XPO7: variants seen among roughly 807,000 people sequenced by gnomAD.
XPO7 encodes the protein exportin-7.
Under a neutral mutation model 144.3 loss-of-function variants are expected in XPO7, and 21 were observed. The observed-to-expected ratio is 0.15, with a 90% CI of 0.10 to 0.21. The LOEUF is 0.21. Among genes scored for constraint, XPO7 ranks in the 10% least tolerant of loss-of-function variants. The pLI is 1.00. For missense variants in XPO7, 808 were observed against 1,325.8 expected (o/e 0.61, Z 6.06); for synonymous variants, 580 against 499.6 (o/e 1.16, Z -2.15).
chr8:21,958,066 T>G (rs772677993), intron 1 of XPO7, among the ~76,000 whole-genome samples: 2 of 152,202 alleles, frequency 1.3e-5, no homozygotes, highest in Non-Finnish European at 2.9e-5. Flanking sequence ...TTGAGACAGT[T>G]GTACAGACAT....
In XPO7 at chr8:21,982,601, A is replaced by G. The variant is rs1563331643; in HGVS notation, c.1105-39A>G. 3.2e-6 allele frequency: 5 copies of G among 1,538,810 alleles called. No homozygotes were observed. In the East Asian group the frequency reaches 9.1e-5, roughly 28 times the overall value. ...GTGGCATGGGACTAACACGTACAGA[A>G]ATGAAAAATATGCCTTCTGCTTTTC... On this transcript the variant is annotated intron_variant, in intron 10 of 27. Transcript: ENST00000252512.
Position 21,984,809 on chromosome 8 carries a change from G to C in XPO7, c.1441G>C (p.Ala481Pro). The change falls in exon 12 of 28, where the codon GCA (alanine) becomes CCA (proline). Residue 481 changes from alanine (A) to proline (P), a missense_variant. By Grantham distance (27) the Ala-to-Pro change is conservative. Coordinates refer to ENST00000252512, the MANE Select transcript of XPO7 (RefSeq NM_015024.5). ...SYQELLQSAS[A>P]SPMDIAVQEG... Reference sequence around the variant, plus strand: ...CCAGGAGCTGCTACAGAGCGCCAGCGCAAGCCCAATGGACATTGCAGTGCA... The same window carrying C: ...CCAGGAGCTGCTACAGAGCGCCAGCCCAAGCCCAATGGACATTGCAGTGCA... 6.2e-7 allele frequency: 1 copy of C among 1,613,918 alleles called. No homozygotes were observed. Among genetic ancestry groups the C allele is most frequent in the Non-Finnish European group, 8.5e-7 (1 of 1,179,880 alleles).
In XPO7 at chr8:21,988,385, A is replaced by AT. The variant is rs898251890; in HGVS notation, c.1787+539dup. The AT allele has an allele frequency of 5.8e-3, 869 of 149,968 alleles. 6 individuals carry two copies. The highest frequency in any genetic ancestry group is 0.016 in the African/African-American group (655 of 40,160). The allele number at this position is 149,968 out of a possible 1,614,324, so 9.3% of individuals were successfully genotyped here. On this transcript the variant is annotated intron_variant, in intron 15 of 27. Coordinates refer to ENST00000252512, the MANE Select transcript of XPO7 (RefSeq NM_015024.5). The stretch of plus-strand genomic sequence containing the variant: ...TGGAGCTCCTAATTGGCCCTTTTTT[A>AT]TTTTTTTTTTTACGTTATACCCCTT...
intron 1 of XPO7, among the ~76,000 whole-genome samples, 156 bp downstream of exon 1, chr8:21,919,944 G>A (rs899979314): frequency 1.3e-5 from 2 of 151,466 alleles, no homozygotes; most frequent in Admixed American, 6.6e-5. Flanking sequence ...CCGGAGCCCC[G>A]GGGCCTTTCC....
At chr8:21,931,614 C>T (rs1222720384) in intron 1 of XPO7, among the ~76,000 whole-genome samples, 1 of 152,176 alleles carries the variant, frequency 6.6e-6, no homozygotes, top group Non-Finnish European at 1.5e-5. Flanking sequence ...AATTTATTGG[C>T]ATGCATTTAA....
At chr8:21,969,096 G>A (rs1431164151) in intron 2 of XPO7, among the ~76,000 whole-genome samples, 1 of 152,086 alleles carries the variant, frequency 6.6e-6, no homozygotes. Flanking sequence ...ATATTTTGAG[G>A]TGAAACTGTT....
chr8:21,990,498 G>T, intron 17 of XPO7, 91 bp downstream of exon 17: 2 of 1,419,464 alleles, frequency 1.4e-6, no homozygotes, highest in South Asian at 1.2e-5. Flanking sequence ...CTGAGGTCCC[G>T]GGTATTGCTA....
intron 1 of XPO7, among the ~76,000 whole-genome samples, chr8:21,955,088 G>A (rs1351969625): frequency 6.6e-6 from 1 of 152,142 alleles, no homozygotes; most frequent in East Asian, 1.9e-4. Context: ...TGCAAATTTG[G>A]GTTCTCAAAT....
chr8:21,976,608 C>A, intron 7 of XPO7, 87 bp downstream of exon 7: 1 of 1,404,884 alleles, frequency 7.1e-7, no homozygotes, highest in Non-Finnish European at 9.5e-7. Flanking sequence ...CTGGCAACTC[C>A]TGTGTATTCT....
intron 24 of XPO7, among the ~76,000 whole-genome samples, chr8:22,000,276 G>A (rs11784535): frequency 0.36 from 54,543 of 151,796 alleles, 10,301 homozygotes; most frequent in East Asian, 0.44. Flanking sequence ...AGATAAGCAG[G>A]AGCAAATCTG....
intron 1 of XPO7, among the ~76,000 whole-genome samples, chr8:21,952,486 C>G (rs117190054): frequency 0.014 from 2,146 of 152,174 alleles, 37 homozygotes; most frequent in South Asian, 0.031. Context: ...ACTTTGCTGA[C>G]TTATCTGTAG....
chr8:21,959,913 T>A (rs1161691189), intron 1 of XPO7, among the ~76,000 whole-genome samples: 1 of 152,220 alleles, frequency 6.6e-6, no homozygotes, highest in African/African-American at 2.4e-5. Context: ...CGAACTCTTC[T>A]CTGCCTAAGT....
chr8:21,944,349 C>T (rs1457007956), intron 1 of XPO7, among the ~76,000 whole-genome samples: 1 of 152,158 alleles, frequency 6.6e-6, no homozygotes, highest in Admixed American at 6.5e-5. Flanking sequence ...GGGCAGATCA[C>T]CTGAGGTCAG....
At position 21,919,967 on chromosome 8, in the gene XPO7, C is replaced by T. The variant is rs549854316; in HGVS notation, c.18+179C>T. ...CCGGGGCCTTTCCCGCCTCCCGGGC[C>T]GGGGGCCTTCTCCGTCCCCTCCCAC... On this transcript the variant is annotated intron_variant, in intron 1 of 27. Coordinates refer to ENST00000252512, the MANE Select transcript of XPO7 (RefSeq NM_015024.5). 6.0e-4 allele frequency among the ~76,000 whole-genome samples: 91 copies of T among 151,676 alleles called. 1 individual carries two copies. The East Asian group carries it at 0.016, about 27-fold the overall frequency.
At chr8:21,966,808 A>T in intron 1 of XPO7, 49 bp from the exon 2 acceptor site, 1 of 1,554,926 alleles carries the variant, frequency 6.4e-7, no homozygotes, top group Non-Finnish European at 8.7e-7. Flanking sequence ...ACAGTTGCTT[A>T]CATTTGTAGT....
rs1170364778 is a variant in XPO7, at chr8:21,989,821, C to CTTTTTTTTTTTTTTTTTTT, written c.1869-495_1869-477dup. On this transcript the variant is annotated intron_variant, in intron 16 of 27. Transcript: ENST00000252512. ...AATAGGAGTTTGGTATAGGTGTTTC[C>CTTTTTTTTTTTTTTTTTTT]TTTTTTTTTTTTTTTTTTTTTTTTT... Among the ~76,000 whole-genome samples, 180 of 59,712 alleles carry CTTTTTTTTTTTTTTTTTTT rather than the reference C, an allele frequency of 3.0e-3. 65 individuals are homozygous for CTTTTTTTTTTTTTTTTTTT. The highest frequency in any genetic ancestry group is 5.1e-3 in the Non-Finnish European group (143 of 27,890). 39.2% of individuals were successfully genotyped at this position (59,712 alleles called of 152,430 possible).
chr8:21,945,176 G>A (rs745702719), intron 1 of XPO7, among the ~76,000 whole-genome samples: 15 of 152,154 alleles, frequency 9.9e-5, no homozygotes, highest in Non-Finnish European at 1.5e-4. Context: ...CTTCCCAGAC[G>A]GGGCAGCTGG....
chr8:21,995,041 G>A (rs1286109921), intron 20 of XPO7, among the ~76,000 whole-genome samples: 8 of 150,536 alleles, frequency 5.3e-5, no homozygotes, highest in African/African-American at 2.0e-4. Flanking sequence ...GCGACAGAGC[G>A]AGACTCCATC....
chr8:21,924,490 T>G (rs1810397041), intron 1 of XPO7, among the ~76,000 whole-genome samples: 1 of 152,074 alleles, frequency 6.6e-6, no homozygotes, highest in Admixed American at 6.6e-5. Flanking sequence ...ATTTTATTTT[T>G]AAATCTGCTT....
Sources: allele counts gnomAD v4.1 joint callset (sites outside exome capture counted in the v4.1 genomes callset), GRCh38; gene constraint gnomAD v4.1.1; transcripts MANE v1.5; gene names NCBI Gene and HGNC (gene_info 2026-07-23, HGNC 2026-07-21).